Variants in DIAPH2 observed in about 807,000 individuals in gnomAD.
DIAPH2 encodes the protein protein diaphanous homolog 2.
DIAPH2 carries 35 observed loss-of-function variants against 92.7 expected under a neutral mutation model. The ratio of observed to expected loss-of-function variants is 0.38; its 90% CI spans 0.29 to 0.50. The LOEUF (loss-of-function observed/expected upper bound fraction) is 0.50. Among genes scored for constraint, DIAPH2 ranks in the 20% least tolerant of loss-of-function variants. DIAPH2 has a pLI of 0.94. For synonymous variants in DIAPH2, 301 were observed against 280.4 expected, an observed-to-expected ratio of 1.07 and a Z score of -0.73; for missense variants, 701 against 819.5, an observed-to-expected ratio of 0.86 and a Z score of 1.77.
At chrX:97,227,969 G>A (rs1056985519) in intron 22 of DIAPH2, among the ~76,000 whole-genome samples, 7 of 111,037 alleles carry the variant, frequency 6.3e-5, no homozygotes, top group Admixed American at 1.9e-4. Flanking sequence ...GGCACTATAT[G>A]AGCTCACTGC....
rs191024643 is a variant in DIAPH2, at chrX:97,414,585, G to A, written c.3146-15065G>A. Among the ~76,000 whole-genome samples, 325 of 105,795 alleles carry A rather than the reference G, an allele frequency of 3.1e-3. 1 individual carries two copies. Among genetic ancestry groups the A allele is most frequent in the African/African-American group, 8.8e-3 (251 of 28,682 alleles). 91.9% of individuals were successfully genotyped at this position (105,795 alleles called of 115,157 possible). On this transcript the variant is annotated intron_variant, in intron 25 of 26. Coordinates refer to ENST00000324765, the MANE Select transcript of DIAPH2 (RefSeq NM_006729.5). ...GAATGGTGTGAACCCAGGAGGCAGA[G>A]CTTCTTGCAGTGAGTGGGAGATCAC... is the stretch of plus-strand genomic sequence containing the variant.
At chrX:96,741,329 T>G (rs2064118112) in intron 3 of DIAPH2, among the ~76,000 whole-genome samples, 1 of 108,983 alleles carries the variant, frequency 9.2e-6, no homozygotes, top group Non-Finnish European at 1.9e-5. Flanking sequence ...TATGCACTGC[T>G]TCCAGTTTTA....
chrX:97,431,053 ATTTATAAGT>A (rs1232360646), intron 26 of DIAPH2, among the ~76,000 whole-genome samples: 3 of 112,147 alleles, frequency 2.7e-5, no homozygotes, highest in Non-Finnish European at 5.6e-5. Context: ...GGAAGTCTGT[ATTTATAAGT>A]TCATATTCAT....
At chrX:97,099,000 C>T (rs754151816) in intron 19 of DIAPH2, among the ~76,000 whole-genome samples, 12 of 111,660 alleles carry the variant, frequency 1.1e-4, no homozygotes, top group South Asian at 3.7e-4. Context: ...GTTGTACAAG[C>T]CAGGTGTAAT....
chrX:97,243,820 A>G (rs1055906083), intron 22 of DIAPH2, among the ~76,000 whole-genome samples: 1 of 111,853 alleles, frequency 8.9e-6, no homozygotes, highest in African/African-American at 3.3e-5. Context: ...CATTATGATT[A>G]TATCTAACCT....
chrX:97,185,353 G>GTATATA (rs1387950279), intron 22 of DIAPH2, among the ~76,000 whole-genome samples: 2 of 18,399 alleles, frequency 1.1e-4, no homozygotes, highest in Non-Finnish European at 1.4e-4. Context: ...ATATATATAT[G>GTATATA]TGTGTATATA....
At chrX:97,500,893 G>T (rs1602631242) in intron 26 of DIAPH2, among the ~76,000 whole-genome samples, 1 of 101,057 alleles carries the variant, frequency 9.9e-6, no homozygotes, top group East Asian at 3.1e-4. Context: ...TTTTGAAATG[G>T]CATTCTTGTC....
At chrX:97,181,302 C>T (rs2147464842) in intron 22 of DIAPH2, among the ~76,000 whole-genome samples, 1 of 111,028 alleles carries the variant, frequency 9.0e-6, no homozygotes, top group South Asian at 3.9e-4. Flanking sequence ...AACTCCTGAC[C>T]TCAAGTGATC....
intron 22 of DIAPH2, among the ~76,000 whole-genome samples, chrX:97,231,547 T>A (rs186568834): frequency 1.8e-5 from 2 of 111,745 alleles, no homozygotes; most frequent in African/African-American, 6.5e-5. Context: ...ATGTAACTTA[T>A]GAATTCAATG....
chrX:97,264,794 G>A (rs2068321673), intron 23 of DIAPH2, among the ~76,000 whole-genome samples: 1 of 111,505 alleles, frequency 9.0e-6, no homozygotes, highest in African/African-American at 3.3e-5. Context: ...TACCAGCCTG[G>A]CCAAGATGGT....
intron 26 of DIAPH2, among the ~76,000 whole-genome samples, chrX:97,575,198 T>C (rs1179876770): frequency 8.8e-6 from 1 of 113,035 alleles, no homozygotes; most frequent in East Asian, 2.8e-4. Flanking sequence ...TTCTAGAGGC[T>C]ACAAATCCAA....
chrX:97,375,315 G>A (rs980733105), intron 24 of DIAPH2, among the ~76,000 whole-genome samples: 2 of 111,230 alleles, frequency 1.8e-5, no homozygotes, highest in Admixed American at 9.6e-5. Context: ...AATTACCTGG[G>A]CGTCGTGGTG....
At chrX:97,006,224 A>G (rs750720734) in intron 17 of DIAPH2, among the ~76,000 whole-genome samples, 1 of 112,030 alleles carries the variant, frequency 8.9e-6, no homozygotes, top group South Asian at 3.7e-4. Context: ...AGAATGATCC[A>G]TATGCTGAGG....
At chrX:97,185,465 A>T (rs868021066) in intron 22 of DIAPH2, among the ~76,000 whole-genome samples, 19 of 30,843 alleles carry the variant, frequency 6.2e-4, no homozygotes, top group Non-Finnish European at 7.4e-4. Context: ...GTATATATAT[A>T]TATATACACA....
At position 97,039,135 on chromosome X, in the gene DIAPH2, G is replaced by A. The variant is rs998335734; in HGVS notation, c.2051-33806G>A. On this transcript the variant is annotated intron_variant, in intron 17 of 26. Coordinates refer to ENST00000324765, the MANE Select transcript of DIAPH2 (RefSeq NM_006729.5). ...TTGTTAAATTGATGGGTGAAAAACT[G>A]TATCTTATTGTTTTTATTTATATTT... Among the ~76,000 whole-genome samples, 5 of 111,091 alleles carry A rather than the reference G, an allele frequency of 4.5e-5. No individual in the cohort carries two copies. In the East Asian group the frequency reaches 1.4e-3, roughly 31 times the overall value.
intron 4 of DIAPH2, among the ~76,000 whole-genome samples, chrX:96,859,339 C>A (rs1326035024): frequency 9.1e-6 from 1 of 110,011 alleles, no homozygotes; most frequent in Non-Finnish European, 1.9e-5. Context: ...TATAAAATTT[C>A]TCTTGTAAAT....
At chrX:96,713,595 T>C (rs755376668) in intron 1 of DIAPH2, among the ~76,000 whole-genome samples, 1 of 112,002 alleles carries the variant, frequency 8.9e-6, no homozygotes, top group Admixed American at 9.5e-5. Context: ...TAGTAGAACA[T>C]ACAGAGTAAT....
intron 17 of DIAPH2, among the ~76,000 whole-genome samples, chrX:96,988,326 T>C (rs1324567238): frequency 1.8e-5 from 2 of 110,762 alleles, no homozygotes; most frequent in Admixed American, 1.9e-4. Flanking sequence ...AGTGTGATGG[T>C]TATGGAAAAT....
chrX:97,080,064 T>C (rs987629732), intron 19 of DIAPH2, among the ~76,000 whole-genome samples: 9 of 111,333 alleles, frequency 8.1e-5, no homozygotes, highest in African/African-American at 2.9e-4. Context: ...CTACTGGGCA[T>C]GCAACTGTCT....
Sources: allele counts gnomAD v4.1 joint callset (sites outside exome capture counted in the v4.1 genomes callset), GRCh38; gene constraint gnomAD v4.1.1; transcripts MANE v1.5; gene names NCBI Gene and HGNC (gene_info 2026-07-23, HGNC 2026-07-21).